The following RAB22A variants were observed in gnomAD, a reference collection of about 807,000 sequenced individuals.
RAB22A encodes the protein ras-related protein Rab-22A.
Under a neutral mutation model 30.2 loss-of-function variants are expected in RAB22A, and 13 were observed. The observed-to-expected ratio is 0.43, with a 90% confidence interval of 0.28 to 0.68. RAB22A has a LOEUF of 0.68. Among genes scored for constraint, RAB22A ranks in the 30% least tolerant of loss-of-function variants. The probability of loss-of-function intolerance (pLI) is 0.18; values close to 1 mark genes in which losing one functional copy is unlikely to be tolerated. For missense variants in RAB22A, 177 were observed against 246.8 expected (o/e 0.72, Z 1.89); for synonymous variants, 89 against 87.2 (o/e 1.02, Z -0.11).
chr20:58,365,547 A>C lies in RAB22A; in HGVS notation c.*5844A>C, dbSNP rs1987299897. ...CTTGTATATGAACTTATGACATTAG[A>C]GTTTGTGAAACTGTCTTAACGTGGC... On this transcript the variant is annotated 3_prime_UTR_variant, in exon 7 of 7. Coordinates refer to ENST00000244040, the MANE Select transcript of RAB22A (RefSeq NM_020673.3). 1 of 152,226 alleles carries C rather than the reference A, an allele frequency of 6.6e-6. No homozygotes were observed. The highest frequency in any genetic ancestry group is 1.5e-5 in the Non-Finnish European group (1 of 68,040). The allele number at this position is 152,226 out of a possible 1,614,324, so 9.4% of individuals were successfully genotyped here.
chr20:58,362,039 C>T lies in RAB22A; in HGVS notation c.*2336C>T, dbSNP rs1987236151. The T allele has an allele frequency of 6.6e-6, 1 of 152,060 alleles. No individual in the cohort carries two copies. Among genetic ancestry groups the T allele is most frequent in the South Asian group, 2.1e-4 (1 of 4,812 alleles). The allele number at this position is 152,060 out of a possible 1,614,324, so 9.4% of individuals were successfully genotyped here. On this transcript the variant is annotated 3_prime_UTR_variant, in exon 7 of 7. Coordinates refer to ENST00000244040, the MANE Select transcript of RAB22A (RefSeq NM_020673.3). ...GGGTGTGATTCTGTTTTATTATAGC[C>T]ACATGTTTTATTAACAGAATGAGTG... is the stretch of plus-strand genomic sequence containing the variant.
At chr20:58,336,762 G>A (rs556187102) in intron 2 of RAB22A, among the ~76,000 whole-genome samples, 2 of 152,090 alleles carry the variant, frequency 1.3e-5, no homozygotes, top group African/African-American at 4.8e-5. Context: ...ATGGGGTGGC[G>A]GAGCTCTGGC....
At chr20:58,323,798 G>T (rs1385656056) in intron 2 of RAB22A, among the ~76,000 whole-genome samples, 1 of 150,884 alleles carries the variant, frequency 6.6e-6, no homozygotes, top group Non-Finnish European at 1.5e-5. Context: ...TGTTTGCTGG[G>T]ATCTTTGATT....
rs531586379 is a variant in RAB22A, at chr20:58,365,668, CT to C, written c.*5976del. 3.6e-4 allele frequency: 52 copies of C among 145,780 alleles called. No homozygotes were observed. The highest frequency in any genetic ancestry group is 4.1e-4 in the Non-Finnish European group (27 of 65,882). The allele number at this position is 145,780 out of a possible 1,614,324, so 9.0% of individuals were successfully genotyped here. On this transcript the variant is annotated 3_prime_UTR_variant, in exon 7 of 7. Transcript: ENST00000244040. ...AGCAACTGATGGGTGGCTTTTTTTT[CT>C]TTTTTTTTTTGAGACGGAGTCTCGC...
Position 58,361,787 on chromosome 20 carries a change from A to G in RAB22A, c.*2084A>G, listed in dbSNP as rs1053877658. ...CTTATTTTACCAAAAGATGGTGCAA[A>G]TCTATGACCTTCACATTTTTTCCAC... On this transcript the variant is annotated 3_prime_UTR_variant, in exon 7 of 7. Coordinates refer to ENST00000244040, the MANE Select transcript of RAB22A (RefSeq NM_020673.3). The G allele has an allele frequency of 2.0e-5, 3 of 151,872 alleles. No individual in the cohort carries two copies. Among genetic ancestry groups the G allele is most frequent in the Non-Finnish European group, 4.4e-5 (3 of 68,006 alleles). The allele number at this position is 151,872 out of a possible 1,614,324, so 9.4% of individuals were successfully genotyped here. A position where few individuals can be genotyped will look rare whatever the true frequency, so the allele number is the denominator to read the frequency against.
intron 3 of RAB22A, among the ~76,000 whole-genome samples, chr20:58,349,402 G>C (rs1987006330): frequency 6.6e-6 from 1 of 152,178 alleles, no homozygotes; most frequent in Non-Finnish European, 1.5e-5. Flanking sequence ...AGAAAAAGAG[G>C]AGGCAAATCG....
chr20:58,343,588 A>G (rs1473787057), intron 2 of RAB22A, 130 bp from the exon 3 acceptor site: 1 of 643,928 alleles, frequency 1.6e-6, no homozygotes, highest in Non-Finnish European at 2.7e-6. Context: ...TACTCCAGAG[A>G]GGAACACAAT....
chr20:58,341,418 G>C (rs1457800304), intron 2 of RAB22A, among the ~76,000 whole-genome samples: 1 of 152,130 alleles, frequency 6.6e-6, no homozygotes, highest in African/African-American at 2.4e-5. Flanking sequence ...AGAGGCTGTT[G>C]GGGCTTTTCT....
At chr20:58,357,161 C>A (rs1464818957) in intron 6 of RAB22A, among the ~76,000 whole-genome samples, 1 of 152,178 alleles carries the variant, frequency 6.6e-6, no homozygotes, top group Non-Finnish European at 1.5e-5. Context: ...AGTCCGATCA[C>A]CTTCTGTCTC....
chr20:58,330,927 G>T (rs1265771555), intron 2 of RAB22A, among the ~76,000 whole-genome samples: 1 of 152,180 alleles, frequency 6.6e-6, no homozygotes, highest in Non-Finnish European at 1.5e-5. Flanking sequence ...GGCTCTGAGA[G>T]GAGTCTGTGT....
chr20:58,313,741 G>T (rs1291733379), intron 2 of RAB22A, among the ~76,000 whole-genome samples: 1 of 152,174 alleles, frequency 6.6e-6, no homozygotes, highest in South Asian at 2.1e-4. Flanking sequence ...TAGACTGGGT[G>T]CTGGTGCCTA....
In RAB22A at chr20:58,367,038, C is replaced by T. The variant is rs1459563476; in HGVS notation, c.*7335C>T. On this transcript the variant is annotated 3_prime_UTR_variant, in exon 7 of 7. Transcript: ENST00000244040. ...TGCCTTTTTATAAAAGCATCTATTA[C>T]GAAAGTAAAATTCAGTTGCTTACAG... The T allele has an allele frequency of 2.0e-5, 3 of 152,586 alleles. No homozygotes were observed. The highest frequency in any genetic ancestry group is 4.4e-5 in the Non-Finnish European group (3 of 68,044). 9.5% of individuals were successfully genotyped at this position (152,586 alleles called of 1,614,324 possible).
Position 58,311,026 on chromosome 20 carries a change from A to G in RAB22A, c.37-17A>G, listed in dbSNP as rs745331011. ...AAGGTAAACTTTTTCTCAGTCCCTC[A>G]TCTCGTTCTCTTTCAGGATACAGGT... On this transcript the variant is annotated splice_polypyrimidine_tract_variant and intron_variant, in intron 1 of 6. Transcript: ENST00000244040. 1.9e-6 allele frequency: 3 copies of G among 1,576,808 alleles called. No individual in the cohort carries two copies. The highest frequency in any genetic ancestry group is 2.6e-6 in the Non-Finnish European group (3 of 1,146,226).
chr20:58,331,983 C>T (rs922111209), intron 2 of RAB22A, among the ~76,000 whole-genome samples: 1 of 152,166 alleles, frequency 6.6e-6, no homozygotes, highest in African/African-American at 2.4e-5. Flanking sequence ...TTTAACAAGT[C>T]CTTCGTACAA....
intron 2 of RAB22A, among the ~76,000 whole-genome samples, chr20:58,316,939 T>C (rs925836120): frequency 2.0e-5 from 3 of 152,146 alleles, no homozygotes; most frequent in Non-Finnish European, 4.4e-5. Context: ...AGTCACTCGC[T>C]CCTGTCCAAG....
At chr20:58,348,963 A>G (rs1167792995) in intron 3 of RAB22A, among the ~76,000 whole-genome samples, 1 of 152,204 alleles carries the variant, frequency 6.6e-6, no homozygotes, top group South Asian at 2.1e-4. Context: ...AGCAGAGATT[A>G]TGTGACCCAT....
intron 2 of RAB22A, among the ~76,000 whole-genome samples, chr20:58,327,543 G>C (rs941849291): frequency 1.3e-5 from 2 of 152,192 alleles, no homozygotes; most frequent in Non-Finnish European, 2.9e-5. Flanking sequence ...CAGAGCAAAT[G>C]ATTCAAGAGA....
At chr20:58,320,966 T>C (rs985831215) in intron 2 of RAB22A, among the ~76,000 whole-genome samples, 1 of 147,902 alleles carries the variant, frequency 6.8e-6, no homozygotes, top group Non-Finnish European at 1.5e-5. Flanking sequence ...CCGAGGCGGG[T>C]AGATCATGGG....
intron 2 of RAB22A, among the ~76,000 whole-genome samples, chr20:58,333,519 T>C (rs1986696303): frequency 7.3e-6 from 1 of 136,326 alleles, no homozygotes; most frequent in East Asian, 2.0e-4. Flanking sequence ...AATATATATG[T>C]AACAATTATA....
Sources: allele counts gnomAD v4.1 joint callset (sites outside exome capture counted in the v4.1 genomes callset), GRCh38; gene constraint gnomAD v4.1.1; transcripts MANE v1.5; gene names NCBI Gene and HGNC (gene_info 2026-07-23, HGNC 2026-07-21).